Variants in ING4 observed in about 807,000 individuals in gnomAD.
The protein encoded by ING4 is inhibitor of growth family member 4, also known as inhibitor of growth protein 4.
ING4 carries 28 observed loss-of-function variants against 33.1 expected under a neutral mutation model. The ratio of observed to expected loss-of-function variants is 0.85; its 90% confidence interval spans 0.63 to 1.16. The LOEUF (loss-of-function observed/expected upper bound fraction) is 1.16. Among genes scored for constraint, ING4 ranks in the 50% most tolerant of loss-of-function variants. The probability of loss-of-function intolerance (pLI) is 0.00; values close to 1 mark genes in which losing one functional copy is unlikely to be tolerated. For synonymous variants in ING4, 87 were observed against 104.4 expected, an observed-to-expected ratio of 0.83 and a Z score of 1.02; for missense variants, 247 against 314.7, an observed-to-expected ratio of 0.78 and a Z score of 1.63.
At chr12:6,656,093 T>C (rs1265199596) in intron 2 of ING4, among the ~76,000 whole-genome samples, 2 of 152,152 alleles carry the variant, frequency 1.3e-5, no homozygotes, top group Non-Finnish European at 2.9e-5. Context: ...ATGAGAGAAG[T>C]AGAAACATTC....
Position 6,651,237 on chromosome 12 carries a change from G to GA in ING4, c.708-4dup. Reference sequence around the variant, plus strand: ...CTTGGGAGCAGCGTGGGCAAAACCTGAAACAGAGAAGGGGAGAGAAAAGTG... The same window carrying GA: ...CTTGGGAGCAGCGTGGGCAAAACCTGAAAACAGAGAAGGGGAGAGAAAAGTG... On this transcript the variant is annotated splice_region_variant and splice_polypyrimidine_tract_variant and intron_variant, in intron 7 of 7. Coordinates refer to ENST00000341550, the MANE Select transcript of ING4 (RefSeq NM_016162.4). 1 of 1,614,170 alleles carries GA rather than the reference G, an allele frequency of 6.2e-7. No homozygotes were observed. The highest frequency in any genetic ancestry group is 8.5e-7 in the Non-Finnish European group (1 of 1,180,016).
intron 1 of ING4, among the ~76,000 whole-genome samples, chr12:6,657,506 C>T (rs1949397712): frequency 2.0e-5 from 3 of 152,244 alleles, no homozygotes; most frequent in African/African-American, 7.2e-5. Context: ...TTCCTCTGAA[C>T]CTCTGGATTT....
At chr12:6,659,888 A>G (rs1949493320) in intron 1 of ING4, among the ~76,000 whole-genome samples, 1 of 152,012 alleles carries the variant, frequency 6.6e-6, no homozygotes, top group Non-Finnish European at 1.5e-5. Flanking sequence ...CTGAGGCAGG[A>G]CAATTGCTTG....
At chr12:6,659,856 G>A (rs2136281880) in intron 1 of ING4, among the ~76,000 whole-genome samples, 1 of 151,818 alleles carries the variant, frequency 6.6e-6, no homozygotes, top group Admixed American at 6.6e-5. Flanking sequence ...GCCTGTGGCT[G>A]TAGTTCCAGT....
In ING4 at chr12:6,656,780, A is replaced by G; in HGVS notation, c.56T>C (p.Phe19Ser). ...GAGCTGAAAGTTTCTCTGTAATTCA[A>G]AGGGAAGGTTTTCAATACCTAGGGA... ...HYLDSIENLPFELQRNFQLMR... is the reference protein window; with the variant it reads ...HYLDSIENLPSELQRNFQLMR... Residue 19 changes from phenylalanine (F) to serine (S), a missense_variant, in exon 2 of 8, where the codon TTT becomes TCT. Physicochemically the swap from Phe to Ser is radical, Grantham distance 155. Coordinates refer to ENST00000341550, the MANE Select transcript of ING4 (RefSeq NM_016162.4). The G allele has an allele frequency of 6.3e-7, 1 of 1,575,474 alleles. No homozygotes were observed.
At chr12:6,657,564 T>A (rs1949400647) in intron 1 of ING4, among the ~76,000 whole-genome samples, 1 of 152,218 alleles carries the variant, frequency 6.6e-6, no homozygotes, top group South Asian at 2.1e-4. Context: ...CATGCTTAAC[T>A]CTTTCTCTAC....
At chr12:6,652,902 C>A in intron 4 of ING4, 34 bp downstream of exon 4, 1 of 1,584,658 alleles carries the variant, frequency 6.3e-7, no homozygotes, top group Non-Finnish European at 8.7e-7. Context: ...TTTCAGTCCT[C>A]GCCCCACCTC....
chr12:6,652,394 T>A lies in ING4; in HGVS notation c.522A>T (p.Ser174=). The part of the protein sequence containing the change: ...VRTSPEYGMP[S]VTFGSVHPSD... ...AGGGGTGGACACTGCCAAAGGTCAC[T>A]GAGGGCATCCCATACTCAGGACTTC... The change falls in exon 6 of 8, where the codon TCA becomes TCT. Residue 174 remains serine (S), a synonymous_variant. Coordinates refer to ENST00000341550, the MANE Select transcript of ING4 (RefSeq NM_016162.4). 6.2e-7 allele frequency: 1 copy of A among 1,614,126 alleles called. No homozygotes were observed. Among genetic ancestry groups the A allele is most frequent in the Non-Finnish European group, 8.5e-7 (1 of 1,180,028 alleles).
chr12:6,660,615 A>G (rs919175010), intron 1 of ING4, among the ~76,000 whole-genome samples: 10 of 152,074 alleles, frequency 6.6e-5, no homozygotes, highest in African/African-American at 2.4e-4. Context: ...CTCAAAAACA[A>G]ACAAACAAAC....
intron 6 of ING4, among the ~76,000 whole-genome samples, chr12:6,651,818 A>T (rs1188669352): frequency 6.7e-6 from 1 of 148,870 alleles, no homozygotes; most frequent in African/African-American, 2.5e-5. Flanking sequence ...CTGGGATTAC[A>T]GGCGTGAGCC....
intron 2 of ING4, 149 bp downstream of exon 2, chr12:6,656,578 A>T (rs1949360064): frequency 1.6e-6 from 1 of 620,574 alleles, no homozygotes; most frequent in African/African-American, 1.9e-5. Flanking sequence ...GAGGATCATT[A>T]TCCTGTTTTA....
Position 6,653,260 on chromosome 12 carries a change from C to T in ING4, c.246G>A (p.Lys82=), listed in dbSNP as rs779878226. Reference sequence around the variant, plus strand: ...CATAGGTCTGCATGGCAAGCTGCACCTTGTCGTCACCAAATTCCTTGCACT... The same window carrying T: ...CATAGGTCTGCATGGCAAGCTGCACTTTGTCGTCACCAAATTCCTTGCACT... The part of the protein sequence containing the change: ...YGKCKEFGDD[K]VQLAMQTYEM... The change falls in exon 3 of 8, where the codon AAG becomes AAA. Residue 82 remains lysine (K), a synonymous_variant. Transcript: ENST00000341550. The T allele has an allele frequency of 2.2e-5, 35 of 1,614,166 alleles. No individual in the cohort carries two copies. The East Asian group carries it at 7.4e-4, about 34-fold the overall frequency.
chr12:6,656,561 C>T (rs988773571), intron 2 of ING4, 166 bp downstream of exon 2: 5 of 570,474 alleles, frequency 8.8e-6, no homozygotes, highest in Admixed American at 3.9e-5. Context: ...AAAGCTGACA[C>T]AGAAATGAGG....
At chr12:6,657,446 C>A (rs970899997) in intron 1 of ING4, among the ~76,000 whole-genome samples, 4 of 151,896 alleles carry the variant, frequency 2.6e-5, no homozygotes, top group Non-Finnish European at 5.9e-5. Context: ...GAGACTCCAT[C>A]TCAAACAAAC....
At chr12:6,659,179 C>T (rs4764504) in intron 1 of ING4, among the ~76,000 whole-genome samples, 5,734 of 152,244 alleles carry the variant, frequency 0.038, 396 homozygotes, top group African/African-American at 0.13. Context: ...TAATCCAGCA[C>T]TCTGGAAGGC....
intron 1 of ING4, among the ~76,000 whole-genome samples, chr12:6,660,806 G>A (rs904710944): frequency 7.2e-5 from 11 of 151,784 alleles, no homozygotes; most frequent in South Asian, 4.2e-4. Context: ...TCTTTTCTCC[G>A]CTGAGTAACT....
At chr12:6,654,388 A>C (rs1261106672) in intron 2 of ING4, among the ~76,000 whole-genome samples, 1 of 149,364 alleles carries the variant, frequency 6.7e-6, no homozygotes, top group Non-Finnish European at 1.5e-5. Context: ...GATGGAGTGC[A>C]GTGGCATGAT....
Position 6,653,034 on chromosome 12 carries a change from C to T in ING4, c.293G>A (p.Arg98Gln), listed in dbSNP as rs1949235113. Residue 98 changes from arginine to glutamine, a missense_variant, in exon 4 of 8, where the codon CGG becomes CAG. This residue lies in a region of ING4 where 198 missense variants were observed against 221.2 expected (regional missense o/e 0.89). Coordinates refer to ENST00000341550, the MANE Select transcript of ING4 (RefSeq NM_016162.4). ...QTYEMVDKHI[R>Q]RLDTDLARFE... is the part of the protein sequence containing the mutation. ...ACGGGCCAGGTCTGTGTCCAGCCGCCGAATGTGTTTGTCCACCTGGGTGGA... is the reference window on the plus strand; with the variant it reads ...ACGGGCCAGGTCTGTGTCCAGCCGCTGAATGTGTTTGTCCACCTGGGTGGA... 2 of 1,613,950 alleles carry T rather than the reference C, an allele frequency of 1.2e-6. No individual in the cohort carries two copies. The highest frequency in any genetic ancestry group is 1.7e-6 in the Non-Finnish European group (2 of 1,180,024).
At chr12:6,651,618 T>C (rs1473884709) in intron 6 of ING4, among the ~76,000 whole-genome samples, 2 of 152,172 alleles carry the variant, frequency 1.3e-5, no homozygotes, top group African/African-American at 2.4e-5. Context: ...CTCAGCTCAC[T>C]GCAACCCCCG....
Sources: allele counts gnomAD v4.1 joint callset (sites outside exome capture counted in the v4.1 genomes callset), GRCh38; gene constraint gnomAD v4.1.1; regional missense constraint gnomAD v4.1.1; transcripts MANE v1.5; gene names NCBI Gene and HGNC (gene_info 2026-07-23, HGNC 2026-07-21).